The following LMAN2 variants were observed in gnomAD, a reference collection of about 807,000 sequenced individuals.
The protein encoded by LMAN2 is lectin, mannose binding 2.
LMAN2 carries 22 observed loss-of-function variants against 39.3 expected under a neutral mutation model. That is an observed-to-expected ratio of 0.56 (90% CI 0.40 to 0.80). The LOEUF is 0.80. Among genes scored for constraint, LMAN2 ranks in the 30% least tolerant of loss-of-function variants. The probability of loss-of-function intolerance (pLI) is 0.00; values close to 1 mark genes in which losing one functional copy is unlikely to be tolerated. For missense variants in LMAN2, 494 were observed against 505.4 expected (o/e 0.98, Z 0.22); for synonymous variants, 207 against 207.8 (o/e 1.00, Z 0.03).
intron 3 of LMAN2, 140 bp downstream of exon 3, chr5:177,338,348 C>A (rs576652087): frequency 1.0e-5 from 7 of 670,882 alleles, no homozygotes; most frequent in African/African-American, 1.8e-5. Context: ...ACTTTATCCA[C>A]GGGAGGCAGC....
At chr5:177,334,232 A>G in intron 7 of LMAN2, 52 bp downstream of exon 7, 1 of 1,568,292 alleles carries the variant, frequency 6.4e-7, no homozygotes, top group South Asian at 1.2e-5. Context: ...GCTTCACCCC[A>G]TTCTGGGTCA....
chr5:177,347,472 G>T (rs1302846459), intron 2 of LMAN2, among the ~76,000 whole-genome samples: 4 of 152,124 alleles, frequency 2.6e-5, no homozygotes, highest in African/African-American at 9.7e-5. Flanking sequence ...ACAATAGAAG[G>T]CCTCTGGAGG....
chr5:177,341,977 T>C (rs928328101), intron 2 of LMAN2, among the ~76,000 whole-genome samples: 3 of 151,880 alleles, frequency 2.0e-5, no homozygotes, highest in African/African-American at 4.8e-5. Flanking sequence ...AGAGGAAAAA[T>C]AGGATAATAA....
chr5:177,337,882 G>C lies in LMAN2; in HGVS notation c.434-97C>G, dbSNP rs1581602377. ...AATGCCAACATGGGTGGGGGCAAGA[G>C]AGCCCAACCCACTGGCCATTCACCG... On this transcript the variant is annotated intron_variant, in intron 3 of 7. Transcript: ENST00000303127. This position sits in a 1 kb window ranked among gnomAD's most constrained non-coding sequence, Gnocchi z 8.2. The C allele has an allele frequency of 4.9e-6, 5 of 1,020,652 alleles. No individual in the cohort carries two copies. The highest frequency in any genetic ancestry group is 1.6e-5 in the African/African-American group (1 of 63,176). 63.2% of individuals were successfully genotyped at this position (1,020,652 alleles called of 1,614,324 possible). A position where few individuals can be genotyped will look rare whatever the true frequency, so the allele number is the denominator to read the frequency against.
At chr5:177,348,892 A>C (rs1005370693) in intron 2 of LMAN2, among the ~76,000 whole-genome samples, 4 of 151,784 alleles carry the variant, frequency 2.6e-5, no homozygotes, top group African/African-American at 9.7e-5. Flanking sequence ...TCAAAAAAAA[A>C]AAAAAAAAAA....
chr5:177,341,786 A>C (rs1761557822), intron 2 of LMAN2, among the ~76,000 whole-genome samples: 1 of 152,212 alleles, frequency 6.6e-6, no homozygotes, highest in African/African-American at 2.4e-5. Flanking sequence ...TTAAAACAGA[A>C]ATAATTAAAA....
At chr5:177,341,054 CTTTT>C (rs1192615345) in intron 2 of LMAN2, among the ~76,000 whole-genome samples, 127 of 127,294 alleles carry the variant, frequency 1.0e-3, no homozygotes, top group African/African-American at 4.1e-3. Flanking sequence ...CACGCCCAGC[CTTTT>C]TTTTTCTTTT....
At chr5:177,339,418 C>T (rs538959462) in intron 2 of LMAN2, among the ~76,000 whole-genome samples, 11 of 152,198 alleles carry the variant, frequency 7.2e-5, no homozygotes, top group Non-Finnish European at 1.3e-4. Flanking sequence ...TGGTCAGGGT[C>T]GTGCTCTGGG....
At chr5:177,338,360 C>T (rs1761505381) in intron 3 of LMAN2, 128 bp downstream of exon 3, 1 of 721,078 alleles carries the variant, frequency 1.4e-6, no homozygotes, top group Non-Finnish European at 2.4e-6. Flanking sequence ...GGAGGCAGCA[C>T]TTTCCTAACA....
intron 7 of LMAN2, among the ~76,000 whole-genome samples, chr5:177,333,467 G>T (rs1196104862): frequency 6.6e-6 from 1 of 152,258 alleles, no homozygotes; most frequent in African/African-American, 2.4e-5. Context: ...GGTTTGTGTG[G>T]TCCCCAAAAC....
In LMAN2 at chr5:177,332,190, C is replaced by T. The variant is rs1171023334; in HGVS notation, c.967G>A (p.Val323Met). 1.9e-6 allele frequency: 3 copies of T among 1,613,254 alleles called. No individual in the cohort carries two copies. The highest frequency in any genetic ancestry group is 2.5e-6 in the Non-Finnish European group (3 of 1,179,892). ...AGAGCGCACAGCAGCAGCAGGAACA[C>T]CCGCCACCCCGTCAGGGGCCCGCTG... ...FRSGPLTGWR[V>M]FLLLLCALLG... Residue 323 changes from valine (V) to methionine (M), a missense_variant, in exon 8 of 8, where the codon GTG (valine) becomes ATG (methionine). Val to Met is a conservative substitution (Grantham distance 21). Coordinates refer to ENST00000303127, the MANE Select transcript of LMAN2 (RefSeq NM_006816.3). The surrounding 1 kb of genome is among the most constrained non-coding windows in gnomAD (Gnocchi z 6.3).
chr5:177,334,411 A>G lies in LMAN2; in HGVS notation c.791-8T>C, dbSNP rs1761439223. On this transcript the variant is annotated splice_polypyrimidine_tract_variant and splice_region_variant and intron_variant, in intron 6 of 7. Transcript: ENST00000303127. ...AGATGATGTCATGATTGTCTGCAGGACCAAGAATAAACCTGTGACAGCCTA... is the reference window on the plus strand; with the variant it reads ...AGATGATGTCATGATTGTCTGCAGGGCCAAGAATAAACCTGTGACAGCCTA... 4 of 1,611,224 alleles carry G rather than the reference A, an allele frequency of 2.5e-6. No individual in the cohort carries two copies. The East Asian group carries it at 6.7e-5, about 27-fold the overall frequency.
intron 6 of LMAN2, among the ~76,000 whole-genome samples, chr5:177,335,750 C>A (rs985183661): frequency 2.6e-5 from 4 of 152,208 alleles, no homozygotes; most frequent in African/African-American, 9.6e-5. Flanking sequence ...CGGACCCAAG[C>A]ACTTCCATGC....
At chr5:177,340,920 A>G (rs533737376) in intron 2 of LMAN2, among the ~76,000 whole-genome samples, 1 of 151,098 alleles carries the variant, frequency 6.6e-6, no homozygotes, top group Non-Finnish European at 1.5e-5. Flanking sequence ...ACACCCGGCT[A>G]ATTTTTTTGT....
At chr5:177,333,400 GT>G (rs1231595548) in intron 7 of LMAN2, among the ~76,000 whole-genome samples, 1 of 152,244 alleles carries the variant, frequency 6.6e-6, no homozygotes, top group Non-Finnish European at 1.5e-5. Flanking sequence ...GGCAAGGCAG[GT>G]GCCACCTCTG....
chr5:177,337,495 C>T lies in LMAN2; in HGVS notation c.543G>A (p.Val181=). The T allele has an allele frequency of 6.2e-7, 1 of 1,614,034 alleles. No homozygotes were observed. The highest frequency in any genetic ancestry group is 8.5e-7 in the Non-Finnish European group (1 of 1,180,000). Reference sequence around the variant, plus strand: ...GGTCGTAGGACAGGGAGCCATTGTTCACCATCACCGAGATGTACGGGAACA... The same window carrying T: ...GGTCGTAGGACAGGGAGCCATTGTTTACCATCACCGAGATGTACGGGAACA... ...ERVFPYISVM[V]NNGSLSYDHS... The change falls in exon 5 of 8, where the codon GTG becomes GTA. Residue 181 remains valine, a synonymous_variant. Coordinates refer to ENST00000303127, the MANE Select transcript of LMAN2 (RefSeq NM_006816.3). This position sits in a 1 kb window ranked among gnomAD's most constrained non-coding sequence, Gnocchi z 8.2.
At chr5:177,335,160 G>T (rs1012225624) in intron 6 of LMAN2, among the ~76,000 whole-genome samples, 1 of 152,180 alleles carries the variant, frequency 6.6e-6, no homozygotes, top group East Asian at 1.9e-4. Context: ...GCCAAGGGGG[G>T]ACCTAATGAG....
intron 6 of LMAN2, among the ~76,000 whole-genome samples, chr5:177,335,844 C>T (rs1196943843): frequency 6.6e-6 from 1 of 152,196 alleles, no homozygotes; most frequent in African/African-American, 2.4e-5. Context: ...TGTCAGGTCC[C>T]CCGTGTCACG....
chr5:177,336,931 AAGG>A (rs946373997), intron 6 of LMAN2: 14 of 595,784 alleles, frequency 2.3e-5, no homozygotes, highest in Non-Finnish European at 3.6e-5. Flanking sequence ...TTACAGAAGA[AAGG>A]AGGAGGAGGA....
Sources: allele counts gnomAD v4.1 joint callset (sites outside exome capture counted in the v4.1 genomes callset), GRCh38; gene constraint gnomAD v4.1.1; non-coding constraint Gnocchi (gnomAD v3.1); transcripts MANE v1.5; gene names NCBI Gene and HGNC (gene_info 2026-07-23, HGNC 2026-07-21).